Variants in DIABLO observed in about 807,000 individuals in gnomAD.
DIABLO encodes the protein diablo homolog, mitochondrial.
A neutral mutation model predicts 31.7 loss-of-function variants in DIABLO; 32 were observed. That is an observed-to-expected ratio of 1.01 (90% CI 0.76 to 1.35). The LOEUF is 1.35. Among genes scored for constraint, DIABLO ranks in the 40% most tolerant of loss-of-function variants. The pLI is 0.00. For synonymous variants in DIABLO, 132 were observed against 103.2 expected (o/e 1.28, Z -1.69); for missense variants, 316 against 286.4 (o/e 1.10, Z -0.75).
At chr12:122,211,076 GTAAAAAAAAAA>G (rs1954076650) in intron 5 of DIABLO, among the ~76,000 whole-genome samples, 1 of 3,266 alleles carries the variant, frequency 3.1e-4, no homozygotes. Flanking sequence ...TTAGTTAAAA[GTAAAAAAAAAA>G]AAAAAAAAAA....
chr12:122,213,589 T>C lies in DIABLO; in HGVS notation c.523+2899A>G, dbSNP rs1382502250. Among the ~76,000 whole-genome samples, 7 of 152,124 alleles carry C rather than the reference T, an allele frequency of 4.6e-5. No homozygotes were observed. The East Asian group carries it at 1.4e-3, about 29-fold the overall frequency. On this transcript the variant is annotated intron_variant, in intron 5 of 5. Coordinates refer to ENST00000464942, the MANE Select transcript of DIABLO (RefSeq NM_001371333.1). Reference sequence around the variant, plus strand: ...GAAAATGTCTACTTTTCTCAAATAATGCTTATACATCCCCTCCTTTTCTCC... The same window carrying C: ...GAAAATGTCTACTTTTCTCAAATAACGCTTATACATCCCCTCCTTTTCTCC...
chr12:122,219,274 T>C lies in DIABLO; in HGVS notation c.184-877A>G, dbSNP rs200451391. Among the ~76,000 whole-genome samples, 3 of 151,998 alleles carry C rather than the reference T, an allele frequency of 2.0e-5. No homozygotes were observed. In the East Asian group the frequency reaches 5.8e-4, roughly 29 times the overall value. ...CCAAAAAAACCCCCAAAACTATTGA[T>C]TATAACCAACAAATTGATAAGATTA... On this transcript the variant is annotated intron_variant, in intron 2 of 5. Coordinates refer to ENST00000464942, the MANE Select transcript of DIABLO (RefSeq NM_001371333.1).
intron 1 of DIABLO, 119 bp from the exon 2 acceptor site, chr12:122,224,763 A>G: frequency 1.9e-6 from 3 of 1,598,104 alleles, no homozygotes; most frequent in Non-Finnish European, 2.6e-6. Context: ...ATGAGGATGC[A>G]GGACAGCTGA....
chr12:122,209,253 C>CT (rs1954019675), intron 5 of DIABLO, among the ~76,000 whole-genome samples: 1 of 151,802 alleles, frequency 6.6e-6, no homozygotes, highest in African/African-American at 2.4e-5. Context: ...ATCCCAGCTA[C>CT]TTGGGAGGCT....
chr12:122,224,207 G>A (rs1294509449), intron 2 of DIABLO, among the ~76,000 whole-genome samples: 1 of 152,162 alleles, frequency 6.6e-6, no homozygotes, highest in African/African-American at 2.4e-5. Flanking sequence ...CATTCTCAGT[G>A]TCTTGCACAT....
At chr12:122,210,576 TCAC>T (rs1954062745) in intron 5 of DIABLO, among the ~76,000 whole-genome samples, 1 of 151,052 alleles carries the variant, frequency 6.6e-6, no homozygotes, top group African/African-American at 2.5e-5. Flanking sequence ...AGACGGGGTT[TCAC>T]CACGTTAGCC....
At chr12:122,214,719 C>T (rs1459111140) in intron 5 of DIABLO, among the ~76,000 whole-genome samples, 3 of 149,866 alleles carry the variant, frequency 2.0e-5, no homozygotes, top group Non-Finnish European at 4.5e-5. Flanking sequence ...ATCCCAGTTT[C>T]TTTTTTTTTT....
chr12:122,209,666 C>A (rs1388503208), intron 5 of DIABLO: 5 of 681,590 alleles, frequency 7.3e-6, no homozygotes, highest in South Asian at 4.6e-5. Context: ...CGTCTCCCCC[C>A]CAAAAAAAAA....
intron 2 of DIABLO, among the ~76,000 whole-genome samples, chr12:122,219,496 A>G (rs1954288308): frequency 6.6e-6 from 1 of 152,118 alleles, no homozygotes; most frequent in Non-Finnish European, 1.5e-5. Context: ...GAAGGGAGCA[A>G]TCAGTTCTAT....
At chr12:122,209,981 A>C in intron 5 of DIABLO, 1 of 583,874 alleles carries the variant, frequency 1.7e-6, no homozygotes, top group East Asian at 2.8e-5. Flanking sequence ...TTTTGGGCAT[A>C]TGTTAAGTGG....
chr12:122,226,491 G>A (rs1954482242), upstream of DIABLO: 1 of 698,980 alleles, frequency 1.4e-6, no homozygotes, highest in Non-Finnish European at 2.6e-6. Context: ...GATGAGCACC[G>A]TGTAGCTGAG....
chr12:122,218,290 A>C lies in DIABLO; in HGVS notation c.291T>G (p.Ile97Met), dbSNP rs876657775. The C allele has an allele frequency of 6.2e-7, 1 of 1,614,140 alleles. No individual in the cohort carries two copies. The highest frequency in any genetic ancestry group is 1.1e-5 in the South Asian group (1 of 91,082). ...CCTTAGTATATTCAGTAATAGCTTC[A>C]ATCAACGCATATGTGGTCTGAGAGA... The part of the protein sequence containing the change: ...TFLSQTTYAL[I>M]EAITEYTKAV... The change falls in exon 3 of 6, where the codon ATT (isoleucine) becomes ATG (methionine). Residue 97 changes from isoleucine to methionine, a missense_variant. By Grantham distance (10) the Ile-to-Met change is conservative (BLOSUM62 1). Coordinates refer to ENST00000464942, the MANE Select transcript of DIABLO (RefSeq NM_001371333.1).
chr12:122,207,820 C>A lies in DIABLO; in HGVS notation c.*561G>T, dbSNP rs1426492414. 8.6e-6 allele frequency: 4 copies of A among 463,704 alleles called. No homozygotes were observed. The highest frequency in any genetic ancestry group is 7.9e-5 in the African/African-American group (4 of 50,422). 28.7% of individuals were successfully genotyped at this position (463,704 alleles called of 1,614,324 possible). On this transcript the variant is annotated 3_prime_UTR_variant, in exon 6 of 6. Transcript: ENST00000464942. ...TCCTGTTGAGAGCACCAGGTAAACACTCTGCACCCCTTCTCTTAGTAGTAA... is the reference window on the plus strand; with the variant it reads ...TCCTGTTGAGAGCACCAGGTAAACAATCTGCACCCCTTCTCTTAGTAGTAA...
rs1953983756 is a variant in DIABLO at position 122,208,380 on chromosome 12, C to T, written c.*1G>A. 6.2e-7 allele frequency: 1 copy of T among 1,611,872 alleles called. No individual in the cohort carries two copies. Among genetic ancestry groups the T allele is most frequent in the Non-Finnish European group, 8.5e-7 (1 of 1,180,020 alleles). ...GGAGACAGGGCAGTGTGCTCAGGCC[C>T]TCAATCCTCACGCAGGTAGGCCTCC... On this transcript the variant is annotated 3_prime_UTR_variant, in exon 6 of 6. Transcript: ENST00000464942.
At chr12:122,214,912 A>G (rs1161713698) in intron 5 of DIABLO, among the ~76,000 whole-genome samples, 1 of 152,078 alleles carries the variant, frequency 6.6e-6, no homozygotes, top group Non-Finnish European at 1.5e-5. Flanking sequence ...GGTAGTGTCA[A>G]ACTCTTGACC....
At chr12:122,210,823 A>AGTGCTGGG (rs1954070367) in intron 5 of DIABLO, among the ~76,000 whole-genome samples, 1 of 151,960 alleles carries the variant, frequency 6.6e-6, no homozygotes, top group African/African-American at 2.4e-5. Flanking sequence ...TTAGGTGTTT[A>AGTGCTGGG]AAAACCACTC....
At chr12:122,222,406 T>C (rs554595170) in intron 2 of DIABLO, 1 of 151,928 alleles carries the variant, frequency 6.6e-6, no homozygotes, top group African/African-American at 2.4e-5. Context: ...ATCGAGACCA[T>C]CCTGGCTAAC....
intron 5 of DIABLO, among the ~76,000 whole-genome samples, chr12:122,212,537 T>C (rs2061334625): frequency 6.6e-6 from 1 of 152,112 alleles, no homozygotes; most frequent in Admixed American, 6.5e-5. Context: ...ACTTCCTTTG[T>C]AGGTAATCTA....
rs796588224 is a variant in DIABLO at position 122,225,884 on chromosome 12, G to A, written c.50+81C>T. 2.3e-5 allele frequency: 36 copies of A among 1,544,004 alleles called. No homozygotes were observed. The African/African-American group carries it at 4.5e-4, about 19-fold the overall frequency. On this transcript the variant is annotated intron_variant, in intron 1 of 5. Transcript: ENST00000464942. Reference sequence around the variant, plus strand: ...GAGAGATGAGCGCGTAAGGAAGGCGGGCGCCGTGGGCCGGGCCACAGCGCT... The same window carrying A: ...GAGAGATGAGCGCGTAAGGAAGGCGAGCGCCGTGGGCCGGGCCACAGCGCT...
Sources: gnomAD v4.1 joint callset for allele counts (sites outside exome capture counted in the v4.1 genomes callset) on GRCh38, gnomAD v4.1.1 for gene constraint, MANE v1.5 for transcripts, NCBI Gene and HGNC (gene_info 2026-07-23, HGNC 2026-07-21) for gene names.